The following INPP5A variants were observed in gnomAD, a reference collection of about 807,000 sequenced individuals.
The protein encoded by INPP5A is 43 kDa inositol polyphosphate 5-phophatase.
A neutral mutation model predicts 65.2 loss-of-function variants in INPP5A; 14 were observed. The ratio of observed to expected loss-of-function variants is 0.21; its 90% confidence interval spans 0.14 to 0.34. INPP5A has a LOEUF of 0.34. Among genes scored for constraint, INPP5A ranks in the 10% least tolerant of loss-of-function variants. The probability of loss-of-function intolerance (pLI) is 1.00; values close to 1 mark genes in which losing one functional copy is unlikely to be tolerated. For synonymous variants in INPP5A, 207 were observed against 208.3 expected, an observed-to-expected ratio of 0.99 and a Z score of 0.05; for missense variants, 431 against 545.6, an observed-to-expected ratio of 0.79 and a Z score of 2.09.
chr10:132,750,737 A>G (rs1190295378), intron 11 of INPP5A, among the ~76,000 whole-genome samples: 2 of 152,176 alleles, frequency 1.3e-5, no homozygotes, highest in East Asian at 3.9e-4. Flanking sequence ...ACGAGCCAGC[A>G]TCCAAGATCT....
rs990086052 is a variant in INPP5A, at chr10:132,617,119, C to T, written c.117+9163C>T. 3.9e-5 allele frequency among the ~76,000 whole-genome samples: 6 copies of T among 152,278 alleles called. No individual in the cohort carries two copies. The South Asian group carries it at 1.2e-3, about 32-fold the overall frequency. On this transcript the variant is annotated intron_variant, in intron 2 of 15. Transcript: ENST00000368594. ...CATCATCTGGTGACTCCTCAAACAC[C>T]GCGCCCTGGTTGGTGGCTGTATTGA...
intron 4 of INPP5A, among the ~76,000 whole-genome samples, chr10:132,688,614 T>A (rs1845185205): frequency 6.6e-6 from 1 of 150,448 alleles, no homozygotes; most frequent in Non-Finnish European, 1.5e-5. Context: ...TGCAAGTGTG[T>A]GAGTGTGAGC....
intron 1 of INPP5A, among the ~76,000 whole-genome samples, chr10:132,559,364 A>G (rs1180117705): frequency 6.6e-6 from 1 of 152,258 alleles, no homozygotes; most frequent in Non-Finnish European, 1.5e-5. Flanking sequence ...ACTTTTAATT[A>G]GGACAAAATT....
In INPP5A at chr10:132,538,670, C is replaced by G. The variant is rs1383732378; in HGVS notation, c.75+499C>G. Among the ~76,000 whole-genome samples the G allele has an allele frequency of 6.6e-6, 1 of 152,068 alleles. No individual in the cohort carries two copies. Among genetic ancestry groups the G allele is most frequent in the Non-Finnish European group, 1.5e-5 (1 of 68,018 alleles). On this transcript the variant is annotated intron_variant, in intron 1 of 15. Transcript: ENST00000368594. The surrounding 1 kb of genome is among the most constrained non-coding windows in gnomAD (Gnocchi z 4.1). The stretch of plus-strand genomic sequence containing the variant: ...AACCCCAGGTCCATGGTCACTGGAA[C>G]CACAAATCCTGACTGCAGAACTCTG...
In INPP5A at chr10:132,575,308, C is replaced by T. The variant is rs1564921470; in HGVS notation, c.76-32607C>T. Among the ~76,000 whole-genome samples the T allele has an allele frequency of 6.6e-6, 1 of 152,142 alleles. No homozygotes were observed. The highest frequency in any genetic ancestry group is 1.5e-5 in the Non-Finnish European group (1 of 68,016). ...TTTCTGCCTGAGGGAGGGATTGGTC[C>T]TCTTACCTGATGTGTAGCTCCCAGA... On this transcript the variant is annotated intron_variant, in intron 1 of 15. Coordinates refer to ENST00000368594, the MANE Select transcript of INPP5A (RefSeq NM_005539.5). The surrounding 1 kb of genome is among the most constrained non-coding windows in gnomAD (Gnocchi z 5.4).
At chr10:132,541,542 G>A (rs950175801) in intron 1 of INPP5A, among the ~76,000 whole-genome samples, 15 of 152,182 alleles carry the variant, frequency 9.9e-5, no homozygotes, top group African/African-American at 3.4e-4. Context: ...AATTATGGAG[G>A]ACCCGAAAGA....
intron 8 of INPP5A, among the ~76,000 whole-genome samples, chr10:132,726,592 C>T (rs545649658): frequency 6.6e-6 from 1 of 152,312 alleles, no homozygotes; most frequent in East Asian, 1.9e-4. Flanking sequence ...TCGCTGGCAA[C>T]AGATGCGTGT....
chr10:132,746,878 A>G (rs547346471), intron 9 of INPP5A, among the ~76,000 whole-genome samples: 1 of 152,336 alleles, frequency 6.6e-6, no homozygotes, highest in Admixed American at 6.5e-5. Context: ...ATTGAAAGGC[A>G]AAGGGAACAG....
chr10:132,710,571 TG>T, intron 8 of INPP5A, 115 bp downstream of exon 8: 1 of 1,432,766 alleles, frequency 7.0e-7, no homozygotes, highest in South Asian at 1.3e-5. Context: ...CAGGTCGGTG[TG>T]GGTGGACAGG....
At chr10:132,751,752 C>T (rs1468491460) in intron 11 of INPP5A, among the ~76,000 whole-genome samples, 1 of 124,660 alleles carries the variant, frequency 8.0e-6, no homozygotes, top group Admixed American at 8.1e-5. Flanking sequence ...GAGGTGTCTT[C>T]GTGGAGGCGA....
chr10:132,555,182 G>A lies in INPP5A; in HGVS notation c.75+17011G>A, dbSNP rs1055121118. On this transcript the variant is annotated intron_variant, in intron 1 of 15. Transcript: ENST00000368594. The surrounding 1 kb of genome is among the most constrained non-coding windows in gnomAD (Gnocchi z 4.4). ...ATGGCATGGTGGGGTGGGGGGGTGT[G>A]GATGGCAAGCGGCAGGACCAGGTGC... 6.6e-6 allele frequency among the ~76,000 whole-genome samples: 1 copy of A among 151,910 alleles called. No homozygotes were observed. The highest frequency in any genetic ancestry group is 2.4e-5 in the African/African-American group (1 of 41,332).
chr10:132,685,042 T>C (rs2073096837), intron 4 of INPP5A, among the ~76,000 whole-genome samples: 1 of 152,174 alleles, frequency 6.6e-6, no homozygotes. Flanking sequence ...TTCTTTCTGC[T>C]CCTAGATTTA....
Position 132,698,207 on chromosome 10 carries a change from T to C in INPP5A, c.474+288T>C, listed in dbSNP as rs967871020. 3.3e-5 allele frequency among the ~76,000 whole-genome samples: 5 copies of C among 152,072 alleles called. No individual in the cohort carries two copies. Among genetic ancestry groups the C allele is most frequent in the African/African-American group, 7.2e-5 (3 of 41,394 alleles). On this transcript the variant is annotated intron_variant, in intron 6 of 15. Transcript: ENST00000368594. The surrounding 1 kb of genome is among the most constrained non-coding windows in gnomAD (Gnocchi z 5.5). ...AAAAGATGTAGGAAAATCATTCAGC[T>C]CCCTTGGCGTGCACCTGGGGTCTCC...
chr10:132,767,172 C>G (rs2803986), intron 12 of INPP5A, among the ~76,000 whole-genome samples: 1 of 108,408 alleles, frequency 9.2e-6, no homozygotes, highest in African/African-American at 3.9e-5. Flanking sequence ...CCGGAGGATG[C>G]GGCTTCAGGG....
Position 132,749,615 on chromosome 10 carries a change from G to C in INPP5A, c.828+3G>C. 1 of 1,612,818 alleles carries C rather than the reference G, an allele frequency of 6.2e-7. No homozygotes were observed. Reference sequence around the variant, plus strand: ...GTGAGTCGGACAACGACCGGAAGGTGAGCGGGGCCTGTGACTGGGCAGGTG... The same window carrying C: ...GTGAGTCGGACAACGACCGGAAGGTCAGCGGGGCCTGTGACTGGGCAGGTG... On this transcript the variant is annotated splice_donor_region_variant and intron_variant, in intron 10 of 15. Coordinates refer to ENST00000368594, the MANE Select transcript of INPP5A (RefSeq NM_005539.5).
chr10:132,597,831 G>A (rs556649975), intron 1 of INPP5A, among the ~76,000 whole-genome samples: 11 of 149,556 alleles, frequency 7.4e-5, no homozygotes, highest in South Asian at 2.1e-4. Flanking sequence ...CCTGTGGTGC[G>A]TGTTCCGGGG....
intron 2 of INPP5A, among the ~76,000 whole-genome samples, chr10:132,629,455 A>G (rs2072235469): frequency 6.6e-6 from 1 of 152,222 alleles, no homozygotes; most frequent in Non-Finnish European, 1.5e-5. Context: ...CTCATCGTAC[A>G]TCTTTGAAGG....
intron 8 of INPP5A, among the ~76,000 whole-genome samples, chr10:132,720,161 A>G (rs867210999): frequency 4.0e-5 from 5 of 125,256 alleles, no homozygotes; most frequent in African/African-American, 6.3e-5. Flanking sequence ...GTTCTGTGGT[A>G]CCTGGGTTCT....
intron 1 of INPP5A, among the ~76,000 whole-genome samples, chr10:132,570,212 G>T (rs545431736): frequency 6.6e-6 from 1 of 152,350 alleles, no homozygotes. Flanking sequence ...CTCCCAAAGT[G>T]CTGGGATTAC....
Sources: gnomAD v4.1 joint callset for allele counts (sites outside exome capture counted in the v4.1 genomes callset) on GRCh38, gnomAD v4.1.1 for gene constraint, Gnocchi (gnomAD v3.1) non-coding constraint, MANE v1.5 for transcripts, NCBI Gene and HGNC (gene_info 2026-07-23, HGNC 2026-07-21) for gene names.